UBE4B: variants seen among roughly 807,000 people sequenced by gnomAD.
UBE4B encodes ubiquitination factor E4B, also known as ubiquitin conjugation factor E4 B.
UBE4B carries 27 observed loss-of-function variants against 148.1 expected under a neutral mutation model. That is an observed-to-expected ratio of 0.18 (90% CI 0.13 to 0.25). The LOEUF (loss-of-function observed/expected upper bound fraction) is 0.25. Among genes scored for constraint, UBE4B ranks in the 10% least tolerant of loss-of-function variants. UBE4B has a pLI of 1.00. For missense variants in UBE4B, 1,170 were observed against 1,662.4 expected, an observed-to-expected ratio of 0.70 and a Z score of 5.15; for synonymous variants, 596 against 619.3, an observed-to-expected ratio of 0.96 and a Z score of 0.56.
chr1:10,145,731 T>C (rs1284359827), intron 18 of UBE4B: 1 of 152,226 alleles, frequency 6.6e-6, no homozygotes, highest in East Asian at 1.9e-4. Flanking sequence ...TTCCATGATA[T>C]TTGACAAAGA....
chr1:10,149,890 C>T lies in UBE4B; in HGVS notation c.2690+608C>T, dbSNP rs1036165271. Among the ~76,000 whole-genome samples, 3 of 152,204 alleles carry T rather than the reference C, an allele frequency of 2.0e-5. No individual in the cohort carries two copies. In the South Asian group the frequency reaches 6.2e-4, roughly 32 times the overall value. ...AAAAGTCATGCTGGGCACTGTGGCT[C>T]ATGCTTGTAGTCCCAGACATGCAGG... On this transcript the variant is annotated intron_variant, in intron 20 of 27. Coordinates refer to ENST00000343090, the MANE Select transcript of UBE4B (RefSeq NM_001105562.3).
chr1:10,090,959 T>C (rs1246439595), intron 2 of UBE4B, among the ~76,000 whole-genome samples: 1 of 152,232 alleles, frequency 6.6e-6, no homozygotes, highest in East Asian at 1.9e-4. Context: ...GAAATTTTTA[T>C]GTCCTTTGAT....
At chr1:10,119,697 C>G in intron 9 of UBE4B, 84 bp downstream of exon 9, 1 of 1,237,092 alleles carries the variant, frequency 8.1e-7, no homozygotes, top group Non-Finnish European at 1.2e-6. Flanking sequence ...GCCATTCTTG[C>G]ACCACCTTAG....
chr1:10,108,112 T>C (rs1452100948), intron 7 of UBE4B, among the ~76,000 whole-genome samples: 1 of 152,112 alleles, frequency 6.6e-6, no homozygotes, highest in Non-Finnish European at 1.5e-5. Context: ...ATTGCTGCTA[T>C]TTAGTAACGG....
chr1:10,159,749 G>T (rs115206094), intron 22 of UBE4B, among the ~76,000 whole-genome samples: 2,162 of 152,306 alleles, frequency 0.014, 24 homozygotes, highest in Non-Finnish European at 0.02. Context: ...ACCCATGTTA[G>T]ATCTTTGATC....
chr1:10,102,391 CTTTTTTTTTTTTTTTTTTTTTTTT>C (rs33997625), intron 4 of UBE4B, among the ~76,000 whole-genome samples: 1 of 51,544 alleles, frequency 1.9e-5, no homozygotes, highest in East Asian at 6.4e-4. Context: ...TGACTTTGCT[CTTTTTTTTTTTTTTTTTTTTTTTT>C]TTTTTTTTTT....
intron 10 of UBE4B, among the ~76,000 whole-genome samples, chr1:10,124,883 T>A (rs986170976): frequency 2.0e-5 from 3 of 152,270 alleles, no homozygotes; most frequent in Admixed American, 2.0e-4. Context: ...CCTAGCACTT[T>A]GGGAGGCCGA....
intron 17 of UBE4B, among the ~76,000 whole-genome samples, chr1:10,139,449 G>C (rs546232516): frequency 6.6e-6 from 1 of 151,944 alleles, no homozygotes; most frequent in Non-Finnish European, 1.5e-5. Context: ...ATGTTCCCTG[G>C]AAGAGTTTAT....
In UBE4B at chr1:10,106,113, A is replaced by T; in HGVS notation, c.810-84A>T. The stretch of plus-strand genomic sequence containing the variant: ...TGAACTGAAATGATTCTCCTTTAAA[A>T]GCTTGATATTTTCTGTTTTAGTTAG... On this transcript the variant is annotated intron_variant, in intron 6 of 27. Coordinates refer to ENST00000343090, the MANE Select transcript of UBE4B (RefSeq NM_001105562.3). This position sits in a 1 kb window ranked among gnomAD's most constrained non-coding sequence, Gnocchi z 4.2. The T allele has an allele frequency of 7.0e-7, 1 of 1,437,626 alleles. No individual in the cohort carries two copies. The highest frequency in any genetic ancestry group is 1.4e-5 in the African/African-American group (1 of 70,136). The allele number at this position is 1,437,626 out of a possible 1,614,324, so 89.1% of individuals were successfully genotyped here. A position where few individuals can be genotyped will look rare whatever the true frequency, so the allele number is the denominator to read the frequency against.
At chr1:10,150,051 G>A (rs1645944419) in intron 20 of UBE4B, among the ~76,000 whole-genome samples, 1 of 151,748 alleles carries the variant, frequency 6.6e-6, no homozygotes, top group Non-Finnish European at 1.5e-5. Flanking sequence ...CAAACAACAG[G>A]AAAAAAACAA....
At chr1:10,065,327 TG>T (rs1457497693) in intron 1 of UBE4B, among the ~76,000 whole-genome samples, 2 of 152,138 alleles carry the variant, frequency 1.3e-5, no homozygotes, top group Non-Finnish European at 2.9e-5. Context: ...AGAGCAGTTA[TG>T]GGGCAAGTGG....
intron 2 of UBE4B, among the ~76,000 whole-genome samples, chr1:10,082,288 C>A (rs1029178797): frequency 2.0e-5 from 3 of 151,852 alleles, no homozygotes; most frequent in African/African-American, 7.3e-5. Context: ...CGCTTGAACC[C>A]AGGGGTTTAA....
rs1309163339 is a variant in UBE4B, at chr1:10,106,023, A to G, written c.810-174A>G. Among the ~76,000 whole-genome samples, 1 of 152,166 alleles carries G rather than the reference A, an allele frequency of 6.6e-6. No homozygotes were observed. Among genetic ancestry groups the G allele is most frequent in the African/African-American group, 2.4e-5 (1 of 41,448 alleles). ...ATGGGGACTTTATCGTCTTGTAAGT[A>G]TAGCCTCTAGATCAATAGGGCAATT... On this transcript the variant is annotated intron_variant, in intron 6 of 27. Transcript: ENST00000343090. This position sits in a 1 kb window ranked among gnomAD's most constrained non-coding sequence, Gnocchi z 4.2.
intron 2 of UBE4B, among the ~76,000 whole-genome samples, chr1:10,084,355 GCAAGGTGCTGTATCA>G (rs1644730121): frequency 6.6e-6 from 1 of 152,152 alleles, no homozygotes. Flanking sequence ...CCGAGGGCTT[GCAAGGTGCTGTATCA>G]TCATGTTCCA....
At chr1:10,044,671 G>A (rs1046524703) in intron 1 of UBE4B, among the ~76,000 whole-genome samples, 1 of 151,528 alleles carries the variant, frequency 6.6e-6, no homozygotes, top group Non-Finnish European at 1.5e-5. Context: ...TAACTCCACC[G>A]CTTGGGCTCA....
chr1:10,066,083 T>G (rs1557524421), intron 1 of UBE4B, among the ~76,000 whole-genome samples: 1 of 132,558 alleles, frequency 7.5e-6, no homozygotes, highest in African/African-American at 2.8e-5. Context: ...CTCTCTACCT[T>G]CGTACCTCCC....
chr1:10,164,522 A>G (rs576417045), intron 23 of UBE4B, among the ~76,000 whole-genome samples: 75 of 152,186 alleles, frequency 4.9e-4, no homozygotes, highest in African/African-American at 1.7e-3. Flanking sequence ...GCCAGCGTAT[A>G]TTTTAGATGT....
intron 17 of UBE4B, among the ~76,000 whole-genome samples, chr1:10,144,650 A>G (rs1645837909): frequency 6.6e-6 from 1 of 151,396 alleles, no homozygotes; most frequent in African/African-American, 2.4e-5. Context: ...CAGGAGAATC[A>G]CTTGAACCCA....
intron 21 of UBE4B, among the ~76,000 whole-genome samples, chr1:10,157,514 T>G (rs1350894485): frequency 2.0e-5 from 3 of 151,392 alleles, no homozygotes; most frequent in East Asian, 3.9e-4. Context: ...GCACGGTGGC[T>G]CACACCTGTA....
Sources: gnomAD v4.1 joint callset for allele counts (sites outside exome capture counted in the v4.1 genomes callset) on GRCh38, gnomAD v4.1.1 for gene constraint, Gnocchi (gnomAD v3.1) non-coding constraint, MANE v1.5 for transcripts, NCBI Gene and HGNC (gene_info 2026-07-23, HGNC 2026-07-21) for gene names.